The following NALF1 variants were observed in gnomAD, a reference collection of about 807,000 sequenced individuals.
NALF1 encodes the protein family with sequence similarity 155 member A.
Under a neutral mutation model 48.4 loss-of-function variants are expected in NALF1, and 3 were observed. That is an observed-to-expected ratio of 0.06 (90% CI 0.03 to 0.16). NALF1 has a LOEUF of 0.16. NALF1 is among the 10% of genes least tolerant of loss of function. NALF1 has a pLI of 1.00. For synonymous variants in NALF1, 262 were observed against 245.7 expected (o/e 1.07, Z -0.62); for missense variants, 526 against 571.5 (o/e 0.92, Z 0.81).
intron 1 of NALF1, among the ~76,000 whole-genome samples, chr13:107,396,795 G>T (rs1883720636): frequency 6.6e-6 from 1 of 152,158 alleles, no homozygotes; most frequent in South Asian, 2.1e-4. Context: ...AGTCTATACT[G>T]CTCAACTCTC....
intron 1 of NALF1, among the ~76,000 whole-genome samples, chr13:107,714,466 G>A (rs1008805088): frequency 4.6e-5 from 7 of 151,818 alleles, no homozygotes; most frequent in African/African-American, 1.2e-4. Flanking sequence ...TCAGGAGTTC[G>A]AGACCAGCCT....
intron 1 of NALF1, among the ~76,000 whole-genome samples, chr13:107,520,759 C>T (rs11069691): frequency 0.37 from 56,098 of 152,034 alleles, 12,258 homozygotes; most frequent in Non-Finnish European, 0.48. Flanking sequence ...CATCACCATC[C>T]ACTAAATGCT....
intron 1 of NALF1, among the ~76,000 whole-genome samples, chr13:107,276,340 T>C (rs1192067965): frequency 6.6e-6 from 1 of 152,216 alleles, no homozygotes; most frequent in Non-Finnish European, 1.5e-5. Context: ...AATTTTCTGA[T>C]GTCCAGAATA....
chr13:107,234,251 G>C (rs1337607607), intron 1 of NALF1, among the ~76,000 whole-genome samples: 1 of 152,142 alleles, frequency 6.6e-6, no homozygotes, highest in Non-Finnish European at 1.5e-5. Flanking sequence ...TGTGCACCTT[G>C]TTGGAATCAA....
At chr13:107,358,346 C>T (rs1303311169) in intron 1 of NALF1, among the ~76,000 whole-genome samples, 1 of 152,144 alleles carries the variant, frequency 6.6e-6, no homozygotes, top group Admixed American at 6.6e-5. Flanking sequence ...AGAAGAGTAA[C>T]ATGATAACTG....
intron 1 of NALF1, among the ~76,000 whole-genome samples, chr13:107,403,104 C>A (rs1395421688): frequency 1.4e-5 from 2 of 146,280 alleles, no homozygotes; most frequent in African/African-American, 5.0e-5. Flanking sequence ...TGATGGATTG[C>A]AGCTTTTTGG....
chr13:107,521,505 A>AT (rs1305397730), intron 1 of NALF1, among the ~76,000 whole-genome samples: 4 of 152,232 alleles, frequency 2.6e-5, no homozygotes, highest in Non-Finnish European at 5.9e-5. Context: ...AAAACGGTAT[A>AT]TTAAGTTGAC....
intron 1 of NALF1, among the ~76,000 whole-genome samples, chr13:107,765,906 A>T (rs1877405762): frequency 6.6e-6 from 1 of 152,326 alleles, no homozygotes; most frequent in African/African-American, 2.4e-5. Flanking sequence ...GACAAATCAC[A>T]TCCTTTAGGG....
chr13:107,866,336 C>G lies in NALF1; in HGVS notation c.261G>C (p.Arg87Ser). ...RQQQQQQQQQ[R>S]QRQQQQQQRR... is the part of the protein sequence containing the mutation. ...GCTGCTGCTGCTGCTGCTGCCGCTG[C>G]CTCTGCTGCTGCTGCTGCTGCTGCT... is the stretch of plus-strand genomic sequence containing the variant. The change falls in exon 1 of 3, where the codon AGG (arginine) becomes AGC (serine). Residue 87 changes from arginine (R) to serine (S), a missense_variant. By Grantham distance (110) the Arg-to-Ser change is moderately radical. Around this residue, in one of 2 missense-constraint regions of NALF1, gnomAD observed 373 missense variants for 355.5 expected, o/e 1.05. Transcript: ENST00000375915. The surrounding 1 kb of genome is among the most constrained non-coding windows in gnomAD (Gnocchi z 4.4). The G allele has an allele frequency of 6.2e-7, 1 of 1,610,284 alleles. No homozygotes were observed. Among genetic ancestry groups the G allele is most frequent in the Non-Finnish European group, 8.5e-7 (1 of 1,179,142 alleles).
chr13:107,452,099 C>T (rs1229055371), intron 1 of NALF1, among the ~76,000 whole-genome samples: 4 of 85,168 alleles, frequency 4.7e-5, no homozygotes, highest in Non-Finnish European at 9.2e-5. Flanking sequence ...TCTTCCTCCT[C>T]TGCTCCCTCC....
chr13:107,348,479 G>A (rs1882813870), intron 1 of NALF1, among the ~76,000 whole-genome samples: 1 of 152,036 alleles, frequency 6.6e-6, no homozygotes, highest in African/African-American at 2.4e-5. Context: ...AGAGTGTGCA[G>A]GTTTGTTACA....
intron 1 of NALF1, among the ~76,000 whole-genome samples, chr13:107,441,093 T>TATTGGCCA (rs1884552044): frequency 6.6e-6 from 1 of 152,170 alleles, no homozygotes. Context: ...TAATTTGTCA[T>TATTGGCCA]ATTGGCCAAA....
intron 1 of NALF1, among the ~76,000 whole-genome samples, chr13:107,785,016 C>G (rs1878029104): frequency 6.6e-6 from 1 of 151,752 alleles, no homozygotes. Flanking sequence ...CCCAAATGCC[C>G]CATCAATCAA....
intron 1 of NALF1, among the ~76,000 whole-genome samples, chr13:107,638,201 A>ATATATATATATATATATATATG (rs372122331): frequency 4.2e-4 from 46 of 110,826 alleles, no homozygotes; most frequent in African/African-American, 1.2e-3. Flanking sequence ...ATATATATAT[A>ATATATATATATATATATATATG]TATATAATTT....
At chr13:107,220,559 T>G (rs75701042) in intron 1 of NALF1, among the ~76,000 whole-genome samples, 1,731 of 152,262 alleles carry the variant, frequency 0.011, 40 homozygotes, top group African/African-American at 0.04. Context: ...AATCCCACAT[T>G]TTTCACTGAG....
At chr13:107,751,566 C>T (rs1436084307) in intron 1 of NALF1, among the ~76,000 whole-genome samples, 2 of 152,096 alleles carry the variant, frequency 1.3e-5, no homozygotes, top group Admixed American at 6.5e-5. Context: ...TAAAACAGAC[C>T]TAATTAATGT....
intron 2 of NALF1, among the ~76,000 whole-genome samples, chr13:107,189,208 C>T (rs1415755408): frequency 1.3e-5 from 2 of 152,160 alleles, no homozygotes; most frequent in African/African-American, 4.8e-5. Flanking sequence ...TAAAGTTTTC[C>T]AGTATTTCAC....
intron 1 of NALF1, among the ~76,000 whole-genome samples, chr13:107,680,774 TGTA>T (rs1443101319): frequency 1.3e-5 from 2 of 150,296 alleles, no homozygotes; most frequent in Non-Finnish European, 3.0e-5. Flanking sequence ...AGTGTGCAAA[TGTA>T]AGAATGTGTG....
chr13:107,456,069 T>C (rs1884820285), intron 1 of NALF1, among the ~76,000 whole-genome samples: 1 of 152,174 alleles, frequency 6.6e-6, no homozygotes, highest in Admixed American at 6.5e-5. Flanking sequence ...GTATGAAACA[T>C]TTTTCATTGC....
Sources: gnomAD v4.1 joint callset for allele counts (sites outside exome capture counted in the v4.1 genomes callset) on GRCh38, gnomAD v4.1.1 for gene constraint, gnomAD v4.1.1 regional missense constraint, Gnocchi (gnomAD v3.1) non-coding constraint, MANE v1.5 for transcripts, NCBI Gene and HGNC (gene_info 2026-07-23, HGNC 2026-07-21) for gene names.